Variants in WWOX observed in about 807,000 individuals in gnomAD.
WWOX encodes WW domain-containing oxidoreductase.
Under a neutral mutation model 46.2 loss-of-function variants are expected in WWOX, and 69 were observed. The observed-to-expected ratio is 1.49, with a 90% CI of 1.23 to 1.82. The LOEUF (loss-of-function observed/expected upper bound fraction) is 1.82, where lower values mean the gene tolerates loss of function less well. WWOX is among the 40% of genes most tolerant of loss of function. The pLI is 0.00. For missense variants in WWOX, 919 were observed against 542.6 expected (o/e 1.69, Z -6.89); for synonymous variants, 359 against 202.6 (o/e 1.77, Z -6.56).
chr16:78,470,301 T>G (rs1223490958), intron 8 of WWOX, among the ~76,000 whole-genome samples: 4 of 152,156 alleles, frequency 2.6e-5, no homozygotes, highest in Admixed American at 2.6e-4. Context: ...GAGCATAACC[T>G]TGTGCCCAGG....
intron 8 of WWOX, among the ~76,000 whole-genome samples, chr16:79,127,849 T>C (rs1221618167): frequency 1.3e-5 from 2 of 152,108 alleles, no homozygotes; most frequent in Non-Finnish European, 2.9e-5. Flanking sequence ...AAATGTGCTT[T>C]AAGGAGAAAT....
At chr16:78,479,892 GC>G (rs149567317) in intron 8 of WWOX, among the ~76,000 whole-genome samples, 2,863 of 152,264 alleles carry the variant, frequency 0.019, 71 homozygotes, top group African/African-American at 0.058. Context: ...ATTGTTCACT[GC>G]CCCCTCCTGG....
intron 8 of WWOX, among the ~76,000 whole-genome samples, chr16:78,969,937 C>A (rs529168542): frequency 1.3e-5 from 2 of 152,266 alleles, no homozygotes; most frequent in East Asian, 3.9e-4. Context: ...TGTGGAAATT[C>A]TTTCACAACT....
chr16:78,782,567 C>A (rs553673688), intron 8 of WWOX, among the ~76,000 whole-genome samples: 2 of 152,246 alleles, frequency 1.3e-5, no homozygotes, highest in East Asian at 3.9e-4. Context: ...CATTCCCTTC[C>A]GTCCACCAGC....
intron 8 of WWOX, among the ~76,000 whole-genome samples, chr16:78,928,501 C>A (rs112908250): frequency 2.0e-5 from 3 of 152,136 alleles, no homozygotes; most frequent in African/African-American, 7.2e-5. Context: ...CGCGCCCGGC[C>A]CCACTTTTCT....
chr16:78,643,737 C>G (rs1384665457), intron 8 of WWOX, among the ~76,000 whole-genome samples: 2 of 151,956 alleles, frequency 1.3e-5, no homozygotes, highest in Non-Finnish European at 2.9e-5. Flanking sequence ...TAAAAGGAAG[C>G]CCTAGACTTC....
At chr16:79,156,387 C>A (rs970702314) in intron 8 of WWOX, among the ~76,000 whole-genome samples, 2 of 152,192 alleles carry the variant, frequency 1.3e-5, no homozygotes, top group African/African-American at 2.4e-5. Context: ...TCTCGAACTC[C>A]TGACCTCAAG....
intron 5 of WWOX, among the ~76,000 whole-genome samples, chr16:78,295,438 G>A (rs547245241): frequency 6.6e-6 from 1 of 152,322 alleles, no homozygotes; most frequent in South Asian, 2.1e-4. Context: ...AAGGCCAGGT[G>A]TGGTGGCTCA....
chr16:78,871,177 T>G (rs1012064435), intron 8 of WWOX, among the ~76,000 whole-genome samples: 11 of 151,952 alleles, frequency 7.2e-5, no homozygotes, highest in African/African-American at 1.9e-4. Flanking sequence ...AAGGTTGTTT[T>G]TTTTTTTTTT....
At chr16:78,588,388 G>T (rs550967804) in intron 8 of WWOX, among the ~76,000 whole-genome samples, 6 of 152,126 alleles carry the variant, frequency 3.9e-5, no homozygotes, top group Non-Finnish European at 8.8e-5. Flanking sequence ...ATATCTTGGG[G>T]GGCCAGGATG....
chr16:78,818,314 G>T (rs2051396399), intron 8 of WWOX, among the ~76,000 whole-genome samples: 1 of 152,154 alleles, frequency 6.6e-6, no homozygotes. Context: ...CCCCAGCCCT[G>T]CCACACCATC....
chr16:78,449,088 G>C (rs2083628154), intron 8 of WWOX, among the ~76,000 whole-genome samples: 1 of 152,148 alleles, frequency 6.6e-6, no homozygotes, highest in African/African-American at 2.4e-5. Context: ...AGACTCAGCA[G>C]GGAAGGATCC....
intron 8 of WWOX, among the ~76,000 whole-genome samples, chr16:78,748,342 G>C (rs531818448): frequency 1.3e-5 from 2 of 152,324 alleles, no homozygotes; most frequent in South Asian, 4.1e-4. Flanking sequence ...TTACCCAGTG[G>C]TGGAAGTGCT....
In WWOX at chr16:79,060,503, G is replaced by A. The variant is rs114152457; in HGVS notation, c.1057-151105G>A. ...ACTGAATTTTTCCAATTTGTGCTTA[G>A]TAGCATCTTATTATATTAGACCAGC... On this transcript the variant is annotated intron_variant, in intron 8 of 8. Coordinates refer to ENST00000566780, the MANE Select transcript of WWOX (RefSeq NM_016373.4). Among the ~76,000 whole-genome samples the A allele has an allele frequency of 4.5e-3, 690 of 152,324 alleles. 6 individuals are homozygous for A. Among genetic ancestry groups the A allele is most frequent in the African/African-American group, 0.016 (650 of 41,580 alleles).
chr16:79,178,715 T>A (rs2050851596), intron 8 of WWOX, among the ~76,000 whole-genome samples: 1 of 152,236 alleles, frequency 6.6e-6, no homozygotes, highest in South Asian at 2.1e-4. Flanking sequence ...GTATGGGATG[T>A]GCCTACCTAA....
intron 8 of WWOX, among the ~76,000 whole-genome samples, chr16:78,917,555 C>T (rs1001316657): frequency 4.6e-5 from 7 of 151,954 alleles, no homozygotes; most frequent in Admixed American, 3.9e-4. Flanking sequence ...TATTCCTAAC[C>T]CCCAACCACT....
At chr16:78,828,647 C>T (rs1414892979) in intron 8 of WWOX, among the ~76,000 whole-genome samples, 1 of 152,140 alleles carries the variant, frequency 6.6e-6, no homozygotes, top group Non-Finnish European at 1.5e-5. Flanking sequence ...TCATTATTTA[C>T]AAAACTTCAC....
At chr16:78,206,968 TA>T (rs2036415619) in intron 5 of WWOX, among the ~76,000 whole-genome samples, 1 of 152,184 alleles carries the variant, frequency 6.6e-6, no homozygotes, top group Non-Finnish European at 1.5e-5. Flanking sequence ...TTAATCTGCA[TA>T]GTGTTTCATC....
intron 8 of WWOX, among the ~76,000 whole-genome samples, chr16:78,566,010 A>G (rs1215255265): frequency 1.3e-5 from 2 of 151,070 alleles, no homozygotes; most frequent in African/African-American, 4.9e-5. Flanking sequence ...TAAACAGCAG[A>G]CCTCTATTCC....
Sources: gnomAD v4.1 joint callset for allele counts (sites outside exome capture counted in the v4.1 genomes callset) on GRCh38, gnomAD v4.1.1 for gene constraint, MANE v1.5 for transcripts, NCBI Gene and HGNC (gene_info 2026-07-23, HGNC 2026-07-21) for gene names.